NMT2: variants seen among roughly 807,000 people sequenced by gnomAD.
NMT2 encodes the protein glycylpeptide N-tetradecanoyltransferase 2.
NMT2 carries 35 observed loss-of-function variants against 65.4 expected under a neutral mutation model. The observed-to-expected ratio is 0.54, with a 90% CI of 0.41 to 0.71. NMT2 has a LOEUF of 0.71. Ranked by LOEUF, NMT2 falls within the 30% of genes least tolerant of loss-of-function variation. NMT2 has a pLI of 0.00. For synonymous variants in NMT2, 226 were observed against 231.8 expected, an observed-to-expected ratio of 0.98 and a Z score of 0.23; for missense variants, 489 against 611.3, an observed-to-expected ratio of 0.80 and a Z score of 2.11.
intron 10 of NMT2, among the ~76,000 whole-genome samples, chr10:15,112,178 A>T (rs1190463156): frequency 4.7e-4 from 3 of 6,368 alleles, no homozygotes; most frequent in Admixed American, 2.6e-3. Flanking sequence ...TGGGCTTTAT[A>T]TATATATATA....
At chr10:15,114,701 G>A (rs1344605805) in intron 9 of NMT2, among the ~76,000 whole-genome samples, 1 of 152,130 alleles carries the variant, frequency 6.6e-6, no homozygotes. Flanking sequence ...AAGATCCTAA[G>A]TAAAATATTA....
In NMT2 at chr10:15,128,434, G is replaced by A. The variant is rs916952768; in HGVS notation, c.915C>T (p.Pro305=). The A allele has an allele frequency of 5.6e-6, 9 of 1,607,038 alleles. No homozygotes were observed. Among genetic ancestry groups the A allele is most frequent in the Middle Eastern group, 1.7e-4 (1 of 6,042 alleles). The part of the protein sequence containing the change: ...TCRYWHRSLN[P]RKLVEVKFSH... ...AAAATTTCACTTCTACCAATTTTCTGGGGTTTAGTGATCGATGCCAGTATC... is the reference window on the plus strand; with the variant it reads ...AAAATTTCACTTCTACCAATTTTCTAGGGTTTAGTGATCGATGCCAGTATC... The change falls in exon 8 of 12, where the codon CCC becomes CCT. Residue 305 remains proline, a synonymous_variant. Transcript: ENST00000378165.
At position 15,128,505 on chromosome 10, in the gene NMT2, C is replaced by A. The variant is rs192766640; in HGVS notation, c.891-47G>T. 3,584 of 1,162,992 alleles carry A rather than the reference C, an allele frequency of 3.1e-3. 12 individuals carry two copies. Among genetic ancestry groups the A allele is most frequent in the Non-Finnish European group, 3.8e-3 (2,919 of 778,172 alleles). The allele number at this position is 1,162,992 out of a possible 1,614,324, so 72.0% of individuals were successfully genotyped here. A position where few individuals can be genotyped will look rare whatever the true frequency, so the allele number is the denominator to read the frequency against. ...AAAATCAAATTGATTTCTAACTCTA[C>A]AAGTTTTCACTCTTTGTCTCAGCTT... On this transcript the variant is annotated intron_variant, in intron 7 of 11. Transcript: ENST00000378165.
chr10:15,121,793 T>A (rs1418332222), intron 8 of NMT2, among the ~76,000 whole-genome samples: 1 of 152,136 alleles, frequency 6.6e-6, no homozygotes, highest in East Asian at 1.9e-4. Flanking sequence ...GAATGGGAGG[T>A]GCATGCTCTG....
chr10:15,105,790 AAT>A lies in NMT2; in HGVS notation c.*3403_*3404del, dbSNP rs1845280670. On this transcript the variant is annotated 3_prime_UTR_variant, in exon 12 of 12. Coordinates refer to ENST00000378165, the MANE Select transcript of NMT2 (RefSeq NM_004808.3). ...ATCCATTGCATTTCAATTTAGTTTT[AAT>A]AGCTACTTCATAAGCAAGCAGTTTA... Among the ~76,000 whole-genome samples the A allele has an allele frequency of 6.6e-6, 1 of 152,250 alleles. No homozygotes were observed. The highest frequency in any genetic ancestry group is 2.4e-5 in the African/African-American group (1 of 41,472).
chr10:15,160,418 A>T (rs1833148765), intron 1 of NMT2, among the ~76,000 whole-genome samples: 1 of 152,126 alleles, frequency 6.6e-6, no homozygotes, highest in African/African-American at 2.4e-5. Flanking sequence ...GAGGACCATG[A>T]AAACTTAAGA....
rs151218307 is a variant in NMT2 at position 15,121,675 on chromosome 10, T to C, written c.1000-2162A>G. Among the ~76,000 whole-genome samples, 544 of 152,064 alleles carry C rather than the reference T, an allele frequency of 3.6e-3. 3 individuals carry two copies. The highest frequency in any genetic ancestry group is 6.1e-3 in the Non-Finnish European group (413 of 67,984). On this transcript the variant is annotated intron_variant, in intron 8 of 11. Coordinates refer to ENST00000378165, the MANE Select transcript of NMT2 (RefSeq NM_004808.3). Reference sequence around the variant, plus strand: ...AGCCACCACACTAGGCCAAGGAAAATAGGTTTTCTCTTGAGTGCCAGCTGT... The same window carrying C: ...AGCCACCACACTAGGCCAAGGAAAACAGGTTTTCTCTTGAGTGCCAGCTGT...
In NMT2 at chr10:15,105,966, T is replaced by C. The variant is rs73602488; in HGVS notation, c.*3229A>G. On this transcript the variant is annotated 3_prime_UTR_variant, in exon 12 of 12. Transcript: ENST00000378165. ...TAACTGTCACCGTGAGGTAAGCTCA[T>C]GACAAAGTTTCCAACTGGCAATGCT... The C allele has an allele frequency of 5.1e-6, 2 of 390,714 alleles. No homozygotes were observed. Among genetic ancestry groups the C allele is most frequent in the South Asian group, 1.8e-5 (1 of 54,716 alleles). 24.2% of individuals were successfully genotyped at this position (390,714 alleles called of 1,614,324 possible). A position where few individuals can be genotyped will look rare whatever the true frequency, so the allele number is the denominator to read the frequency against.
At chr10:15,129,907 C>CAA (rs753710829) in intron 7 of NMT2, among the ~76,000 whole-genome samples, 1,053 of 56,988 alleles carry the variant, frequency 0.018, 54 homozygotes, top group African/African-American at 0.057. Flanking sequence ...GAGTCTGCCT[C>CAA]AAAAAAAAAA....
At chr10:15,138,466 C>T (rs532126991) in intron 2 of NMT2, 1 of 471,062 alleles carries the variant, frequency 2.1e-6, no homozygotes, top group African/African-American at 2.0e-5. Context: ...GTGCATCAGG[C>T]AAGGTGAGAT....
intron 2 of NMT2, chr10:15,139,863 C>CCATATATATATA (rs1434021981): frequency 2.9e-5 from 2 of 69,636 alleles, no homozygotes; most frequent in African/African-American, 6.7e-5. Context: ...GTAACAACTA[C>CCATATATATATA]TATATATATA....
intron 1 of NMT2, among the ~76,000 whole-genome samples, chr10:15,145,566 G>A (rs1846933874): frequency 6.6e-6 from 1 of 152,120 alleles, no homozygotes; most frequent in Admixed American, 6.6e-5. Context: ...TTTTAGTAAA[G>A]ACGGGGTTTC....
At chr10:15,150,913 T>A (rs1449811725) in intron 1 of NMT2, among the ~76,000 whole-genome samples, 1 of 152,214 alleles carries the variant, frequency 6.6e-6, no homozygotes, top group Non-Finnish European at 1.5e-5. Context: ...TCCAGTTTGT[T>A]AACTAGTCCC....
At chr10:15,135,936 AAG>A (rs764668085) in intron 2 of NMT2, among the ~76,000 whole-genome samples, 33 of 151,406 alleles carry the variant, frequency 2.2e-4, no homozygotes, top group African/African-American at 8.0e-4. Context: ...GAGAGAAAGA[AAG>A]AGAGAGGATC....
intron 1 of NMT2, chr10:15,154,735 G>C: frequency 1.7e-6 from 1 of 581,072 alleles, no homozygotes; most frequent in Non-Finnish European, 3.2e-6. Flanking sequence ...ATGGGGTGGA[G>C]GGTGTTCTTC....
chr10:15,164,479 G>C (rs1167614510), intron 1 of NMT2, among the ~76,000 whole-genome samples: 1 of 152,278 alleles, frequency 6.6e-6, no homozygotes, highest in African/African-American at 2.4e-5. Flanking sequence ...ATTTGACTCT[G>C]TCTCCAACAA....
At chr10:15,166,132 A>G (rs76233629) in intron 1 of NMT2, among the ~76,000 whole-genome samples, 2,154 of 152,268 alleles carry the variant, frequency 0.014, 13 homozygotes, top group South Asian at 0.042. Flanking sequence ...CAAGACTCTA[A>G]TTGGGTATTT....
intron 1 of NMT2, among the ~76,000 whole-genome samples, chr10:15,148,042 G>C (rs1039775949): frequency 2.0e-5 from 3 of 152,150 alleles, no homozygotes; most frequent in Admixed American, 6.6e-5. Context: ...TTATCTCTAG[G>C]ATGGTATAGA....
At chr10:15,129,436 T>C (rs1418957577) in intron 7 of NMT2, among the ~76,000 whole-genome samples, 5 of 152,210 alleles carry the variant, frequency 3.3e-5, no homozygotes, top group Non-Finnish European at 7.3e-5. Context: ...GCTTGACTAG[T>C]GCAGACGAAG....
Sources: gnomAD v4.1 joint callset for allele counts (sites outside exome capture counted in the v4.1 genomes callset) on GRCh38, gnomAD v4.1.1 for gene constraint, MANE v1.5 for transcripts, NCBI Gene and HGNC (gene_info 2026-07-23, HGNC 2026-07-21) for gene names.